ALS2: variants seen among roughly 807,000 people sequenced by gnomAD.
ALS2 encodes alsin Rho guanine nucleotide exchange factor ALS2.
A neutral mutation model predicts 203.4 loss-of-function variants in ALS2; 117 were observed. The ratio of observed to expected loss-of-function variants is 0.58; its 90% CI spans 0.50 to 0.67. ALS2 has a LOEUF of 0.67. ALS2 is among the 30% of genes least tolerant of loss of function. The pLI is 0.00. For synonymous variants in ALS2, 718 were observed against 725.9 expected (o/e 0.99, Z 0.17); for missense variants, 1,715 against 1,989.4 (o/e 0.86, Z 2.62).
At chr2:201,757,868 A>C in intron 4 of ALS2, 109 bp from the exon 5 acceptor site, 1 of 841,296 alleles carries the variant, frequency 1.2e-6, no homozygotes, top group Non-Finnish European at 1.8e-6. Context: ...TAAGAATCTA[A>C]AACGACAGAA....
intron 11 of ALS2, among the ~76,000 whole-genome samples, chr2:201,739,271 A>C (rs1692105809): frequency 6.6e-6 from 1 of 151,786 alleles, no homozygotes; most frequent in Non-Finnish European, 1.5e-5. Context: ...TGGTAATATA[A>C]AAGGAAATTT....
intron 31 of ALS2, 125 bp from the exon 32 acceptor site, chr2:201,704,728 G>A: frequency 8.2e-6 from 9 of 1,091,052 alleles, no homozygotes; most frequent in Non-Finnish European, 1.1e-5. Flanking sequence ...TAGGCATTAT[G>A]AGTCGTTGGA....
At chr2:201,749,233 T>A (rs1386718888) in intron 8 of ALS2, among the ~76,000 whole-genome samples, 1 of 149,064 alleles carries the variant, frequency 6.7e-6, no homozygotes, top group African/African-American at 2.5e-5. Context: ...AAAAAAAAAA[T>A]TCACCTCTAC....
chr2:201,703,432 A>G (rs1355741827), intron 33 of ALS2, among the ~76,000 whole-genome samples: 2 of 152,122 alleles, frequency 1.3e-5, no homozygotes, highest in Non-Finnish European at 2.9e-5. Context: ...TATCCTTTCT[A>G]TTTAGGTAAT....
chr2:201,718,072 C>T lies in ALS2; in HGVS notation c.3836+5G>A. 2 of 1,613,064 alleles carry T rather than the reference C, an allele frequency of 1.2e-6. No individual in the cohort carries two copies. Among genetic ancestry groups the T allele is most frequent in the Non-Finnish European group, 8.5e-7 (1 of 1,179,176 alleles). Reference sequence around the variant, plus strand: ...ATTAATCCAGAATTAACACTAGTTACTCACAAAACTTTAGGTCTGTCTTTA... The same window carrying T: ...ATTAATCCAGAATTAACACTAGTTATTCACAAAACTTTAGGTCTGTCTTTA... On this transcript the variant is annotated splice_donor_5th_base_variant and intron_variant, in intron 24 of 33. Transcript: ENST00000264276.
intron 1 of ALS2, among the ~76,000 whole-genome samples, chr2:201,771,264 C>A (rs879651238): frequency 1.8e-4 from 27 of 152,056 alleles, no homozygotes; most frequent in Non-Finnish European, 2.6e-4. Flanking sequence ...CCAGGCTGGT[C>A]TCGAACTCCT....
At position 201,707,895 on chromosome 2, in the gene ALS2, A is replaced by T; in HGVS notation, c.4377T>A (p.Asp1459Glu). The T allele has an allele frequency of 1.2e-6, 2 of 1,613,590 alleles. No individual in the cohort carries two copies. Among genetic ancestry groups the T allele is most frequent in the Non-Finnish European group, 1.7e-6 (2 of 1,179,656 alleles). ...CTGGCTCTGGTGATTCAGATCGGGAATCTGACTTCCCAGTGCAAAAAGACT... is the reference window on the plus strand; with the variant it reads ...CTGGCTCTGGTGATTCAGATCGGGATTCTGACTTCCCAGTGCAAAAAGACT... ...ERKSFCTGKSDSRSESPEPGY... is the reference protein window; with the variant it reads ...ERKSFCTGKSESRSESPEPGY... The change falls in exon 28 of 34, where the codon GAT becomes GAA. Residue 1459 changes from aspartate (D) to glutamate (E), a missense_variant. Physicochemically the swap from Asp to Glu is conservative, Grantham distance 45. Coordinates refer to ENST00000264276, the MANE Select transcript of ALS2 (RefSeq NM_020919.4).
chr2:201,747,685 A>G (rs1392563863), intron 8 of ALS2, among the ~76,000 whole-genome samples: 2 of 151,910 alleles, frequency 1.3e-5, no homozygotes, highest in East Asian at 1.9e-4. Context: ...TCCTGACCTC[A>G]TGATTCGCCC....
At chr2:201,773,635 A>T (rs549758082) in intron 1 of ALS2, among the ~76,000 whole-genome samples, 1 of 152,380 alleles carries the variant, frequency 6.6e-6, no homozygotes, top group African/African-American at 2.4e-5. Flanking sequence ...ATATATGAAC[A>T]TGGAGTTCAA....
At position 201,771,235 on chromosome 2, in the gene ALS2, C is replaced by T. The variant is rs949459351; in HGVS notation, c.-60-2290G>A. On this transcript the variant is annotated intron_variant, in intron 1 of 33. Coordinates refer to ENST00000264276, the MANE Select transcript of ALS2 (RefSeq NM_020919.4). ...CTAATTTTTGTATTTTTAGTAGAGA[C>T]GGGGTTTCACCATGTTGGCCAGGCT... 3.3e-5 allele frequency among the ~76,000 whole-genome samples: 5 copies of T among 151,910 alleles called. No homozygotes were observed. In the East Asian group the frequency reaches 7.7e-4, roughly 24 times the overall value.
intron 7 of ALS2, among the ~76,000 whole-genome samples, chr2:201,751,330 T>A (rs1281166202): frequency 6.6e-6 from 1 of 152,134 alleles, no homozygotes; most frequent in East Asian, 1.9e-4. Context: ...GCACGCACAT[T>A]TTCTCCTACA....
intron 8 of ALS2, 97 bp downstream of exon 8, chr2:201,749,615 T>C (rs1285473294): frequency 5.0e-6 from 6 of 1,209,396 alleles, no homozygotes; most frequent in Non-Finnish European, 7.3e-6. Flanking sequence ...GTTGTACGTA[T>C]GAAATTCCCC....
chr2:201,706,036 G>C (rs1285024676), intron 29 of ALS2, among the ~76,000 whole-genome samples: 1 of 152,068 alleles, frequency 6.6e-6, no homozygotes, highest in African/African-American at 2.4e-5. Context: ...CACTGCCCTA[G>C]AAAGAAAACA....
intron 11 of ALS2, among the ~76,000 whole-genome samples, chr2:201,740,137 C>A (rs1559063277): frequency 6.6e-6 from 1 of 152,000 alleles, no homozygotes; most frequent in Non-Finnish European, 1.5e-5. Flanking sequence ...CCAGCCTGGG[C>A]AACATAGTGA....
chr2:201,711,710 A>T (rs1690035613), intron 25 of ALS2, among the ~76,000 whole-genome samples: 1 of 152,232 alleles, frequency 6.6e-6, no homozygotes, highest in Non-Finnish European at 1.5e-5. Context: ...AATTTTTGGT[A>T]ATAGTGTTCT....
At chr2:201,734,005 T>C (rs1239677990) in intron 12 of ALS2, among the ~76,000 whole-genome samples, 4 of 152,176 alleles carry the variant, frequency 2.6e-5, no homozygotes, top group Non-Finnish European at 4.4e-5. Context: ...TAAAGATGAT[T>C]ATATGTGAAG....
chr2:201,733,046 TAC>T (rs368314180), intron 13 of ALS2, among the ~76,000 whole-genome samples: 2 of 152,230 alleles, frequency 1.3e-5, no homozygotes, highest in African/African-American at 2.4e-5. Flanking sequence ...ATAAAATGAA[TAC>T]AGTTTATTCA....
rs1217426394 is a variant in ALS2 at position 201,769,778 on chromosome 2, T to C, written c.-60-833A>G. ...CTTATTTGTGTAAACCATAAAAATATTGGGGCCAAATTTGTGGTTTTTCTG... is the reference window on the plus strand; with the variant it reads ...CTTATTTGTGTAAACCATAAAAATACTGGGGCCAAATTTGTGGTTTTTCTG... On this transcript the variant is annotated intron_variant, in intron 1 of 33. Transcript: ENST00000264276. Among the ~76,000 whole-genome samples the C allele has an allele frequency of 7.9e-5, 12 of 152,210 alleles. No individual in the cohort carries two copies. In the East Asian group the frequency reaches 1.7e-3, roughly 22 times the overall value.
Position 201,749,766 on chromosome 2 carries a change from GGT to G in ALS2, c.1759_1760del (p.Thr587LeufsTer22), listed in dbSNP as rs1453895192. 6.2e-7 allele frequency: 1 copy of G among 1,614,020 alleles called. No individual in the cohort carries two copies. Among genetic ancestry groups the G allele is most frequent in the Non-Finnish European group, 8.5e-7 (1 of 1,179,996 alleles). On this transcript the variant is annotated frameshift_variant, in exon 8 of 34. Transcript: ENST00000264276. LOFTEE classifies it high-confidence loss of function. ...KSQVYSWGSN[T>X]FGQLGHSDFP... is the part of the protein sequence containing the mutation. ...AATCGGAATGCCCAAGTTGACCAAA[GGT>G]ATTGCTACCCCATGAGTAAACCTAT...
Sources: allele counts gnomAD v4.1 joint callset (sites outside exome capture counted in the v4.1 genomes callset), GRCh38; gene constraint gnomAD v4.1.1; transcripts MANE v1.5; gene names NCBI Gene and HGNC (gene_info 2026-07-23, HGNC 2026-07-21).